Variants in USP45 observed in about 807,000 individuals in gnomAD.
USP45 encodes ubiquitin carboxyl-terminal hydrolase 45.
Under a neutral mutation model 95.8 loss-of-function variants are expected in USP45, and 89 were observed. That is an observed-to-expected ratio of 0.93 (90% CI 0.78 to 1.11). The LOEUF is 1.11. Ranked by LOEUF, USP45 falls within the 50% of genes least tolerant of loss-of-function variation. USP45 has a pLI of 0.00. For synonymous variants in USP45, 281 were observed against 316.2 expected (o/e 0.89, Z 1.18); for missense variants, 898 against 942.5 (o/e 0.95, Z 0.62).
rs1296145638 is a variant in USP45, at chr6:99,435,758, A to G, written c.2403T>C (p.Leu801=). The G allele has an allele frequency of 1.2e-6, 2 of 1,613,502 alleles. 1 individual carries two copies. Among genetic ancestry groups the G allele is most frequent in the Admixed American group, 3.3e-5 (2 of 60,014 alleles). The change falls in exon 18 of 18, where the codon CTT becomes CTC. Residue 801 remains leucine (L), a synonymous_variant. Transcript: ENST00000500704. ...YLQVVPESRA[L]SAQAYLLFYE... is the part of the protein sequence containing the mutation. ...AGAAAAGAAGGTAGGCTTGTGCACT[A>G]AGTGCTCTTGATTCTGGAACCACCT... is the stretch of plus-strand genomic sequence containing the variant.
intron 8 of USP45, 148 bp from the exon 9 acceptor site, chr6:99,476,378 G>T: frequency 1.4e-6 from 1 of 723,384 alleles, no homozygotes; most frequent in Non-Finnish European, 2.2e-6. Flanking sequence ...GAGGCCAAGG[G>T]GCAGATCACT....
In USP45 at chr6:99,477,013, G is replaced by T. The variant is rs763845609; in HGVS notation, c.846-783C>A. 2.0e-5 allele frequency among the ~76,000 whole-genome samples: 3 copies of T among 152,174 alleles called. No homozygotes were observed. The East Asian group carries it at 5.8e-4, about 29-fold the overall frequency. ...AACTCTATGCTAAAATGAACATTTT[G>T]CCTTAAGTGCAGACAAGTATTAAAT... On this transcript the variant is annotated intron_variant, in intron 8 of 17. Transcript: ENST00000500704.
intron 13 of USP45, among the ~76,000 whole-genome samples, chr6:99,447,078 T>C (rs1168375220): frequency 7.4e-6 from 1 of 135,960 alleles, no homozygotes; most frequent in Non-Finnish European, 1.6e-5. Flanking sequence ...GTATCTGTTT[T>C]TTAAACAAAT....
chr6:99,445,678 A>G lies in USP45; in HGVS notation c.1975+119T>C, dbSNP rs141161345. On this transcript the variant is annotated intron_variant, in intron 14 of 17. Transcript: ENST00000500704. ...CTCAGGTACAAATATGAATGAAACA[A>G]TCTCTGCCTAAGTAACACAAGTATA... 229 of 760,224 alleles carry G rather than the reference A, an allele frequency of 3.0e-4. No individual in the cohort carries two copies. In the African/African-American group the frequency reaches 3.5e-3, roughly 12 times the overall value. The allele number at this position is 760,224 out of a possible 1,614,324, so 47.1% of individuals were successfully genotyped here. A position where few individuals can be genotyped will look rare whatever the true frequency, so the allele number is the denominator to read the frequency against.
rs756461122 is a variant in USP45, at chr6:99,435,783, TGTAA to T, written c.2374_2377del (p.Leu792ArgfsTer25). The T allele has an allele frequency of 4.5e-5, 73 of 1,613,572 alleles. No individual in the cohort carries two copies. Among genetic ancestry groups the T allele is most frequent in the Non-Finnish European group, 5.8e-5 (68 of 1,179,602 alleles). On this transcript the variant is annotated frameshift_variant, in exon 18 of 18. Transcript: ENST00000500704. LOFTEE classifies it high-confidence loss of function. ...AAGTGCTCTTGATTCTGGAACCACC[TGTAA>T]GTAAGTGTCACTAACATGGACCCAC...
At chr6:99,462,640 C>T in intron 13 of USP45, 1 of 985,350 alleles carries the variant, frequency 1.0e-6, no homozygotes, top group African/African-American at 1.7e-5. Flanking sequence ...AACATGTTGT[C>T]CTTTCTGAAG....
Position 99,435,354 on chromosome 6 carries a change from A to G in USP45, c.*362T>C, listed in dbSNP as rs1780294449. Reference sequence around the variant, plus strand: ...ATATGTGAGAGTTCAGGAAGGTGGCATTACATTTAGGAATCACTGTCTCAA... The same window carrying G: ...ATATGTGAGAGTTCAGGAAGGTGGCGTTACATTTAGGAATCACTGTCTCAA... On this transcript the variant is annotated 3_prime_UTR_variant, in exon 18 of 18. Transcript: ENST00000500704. The G allele has an allele frequency of 6.1e-6, 1 of 164,498 alleles. No individual in the cohort carries two copies. Among genetic ancestry groups the G allele is most frequent in the African/African-American group, 2.4e-5 (1 of 42,040 alleles). 10.2% of individuals were successfully genotyped at this position (164,498 alleles called of 1,614,324 possible). A position where few individuals can be genotyped will look rare whatever the true frequency, so the allele number is the denominator to read the frequency against.
At position 99,484,025 on chromosome 6, in the gene USP45, T is replaced by TTTTTA. The variant is rs1427246582; in HGVS notation, c.715-1143_715-1142insTAAAA. On this transcript the variant is annotated intron_variant, in intron 7 of 17. Coordinates refer to ENST00000500704, the MANE Select transcript of USP45 (RefSeq NM_001346022.3). The stretch of plus-strand genomic sequence containing the variant: ...CATAGTTTTTTTTTTTTTTTTTTTT[T>TTTTTA]AAAGAGACAGGGTTGCCCAGGCTGG... 1.3e-3 allele frequency among the ~76,000 whole-genome samples: 191 copies of TTTTTA among 145,618 alleles called. 4 individuals carry two copies. The highest frequency in any genetic ancestry group is 4.7e-3 in the African/African-American group (187 of 39,634).
intron 9 of USP45, among the ~76,000 whole-genome samples, chr6:99,471,610 T>C (rs1388740887): frequency 6.6e-6 from 1 of 152,202 alleles, no homozygotes; most frequent in Non-Finnish European, 1.5e-5. Context: ...ATTTTGTACA[T>C]GAAAAATTTA....
chr6:99,516,342 T>C (rs936318492), upstream of USP45, among the ~76,000 whole-genome samples: 1 of 152,238 alleles, frequency 6.6e-6, no homozygotes, highest in East Asian at 1.9e-4. Flanking sequence ...ACACTGGTTA[T>C]GGATAGGTTC....
chr6:99,510,085 T>C (rs755533218), intron 2 of USP45, 36 bp downstream of exon 2: 4 of 1,478,364 alleles, frequency 2.7e-6, no homozygotes, highest in Non-Finnish European at 3.8e-6. Context: ...TTATTTCTTC[T>C]CAACACTATT....
chr6:99,472,626 A>G (rs1392412971), intron 9 of USP45, among the ~76,000 whole-genome samples: 1 of 152,214 alleles, frequency 6.6e-6, no homozygotes, highest in Non-Finnish European at 1.5e-5. Context: ...AATCTGAATT[A>G]ATCTTAAAGT....
At position 99,507,534 on chromosome 6, in the gene USP45, G is replaced by A. The variant is rs760263077; in HGVS notation, c.274-3C>T. 3.8e-6 allele frequency: 6 copies of A among 1,582,274 alleles called. No individual in the cohort carries two copies. The highest frequency in any genetic ancestry group is 5.2e-6 in the Non-Finnish European group (6 of 1,156,478). The stretch of plus-strand genomic sequence containing the variant: ...CTTTCTGAGTTTTTACCACATCCCT[G>A]AAGATGAACAGAATTTTATTTTGTA... On this transcript the variant is annotated splice_region_variant and splice_polypyrimidine_tract_variant and intron_variant, in intron 3 of 17. Transcript: ENST00000500704.
rs559511149 is a variant in USP45 at position 99,433,414 on chromosome 6, G to A, written c.*2302C>T. On this transcript the variant is annotated 3_prime_UTR_variant, in exon 18 of 18. Transcript: ENST00000500704. ...TGATCCAGAAACTACTGTTATTATA[G>A]TAGACTTGCTACTATATACATTTAC... 1.3e-5 allele frequency: 2 copies of A among 152,390 alleles called. No individual in the cohort carries two copies. The highest frequency in any genetic ancestry group is 2.9e-5 in the Non-Finnish European group (2 of 67,998). The allele number at this position is 152,390 out of a possible 1,614,324, so 9.4% of individuals were successfully genotyped here.
At chr6:99,504,607 T>C (rs1471813252) in intron 4 of USP45, among the ~76,000 whole-genome samples, 2 of 151,942 alleles carry the variant, frequency 1.3e-5, no homozygotes, top group African/African-American at 4.8e-5. Context: ...AAATTAGATA[T>C]AAAAGAGGAG....
chr6:99,508,609 C>T lies in USP45; in HGVS notation c.273+1G>A. 1.2e-6 allele frequency: 2 copies of T among 1,609,804 alleles called. No homozygotes were observed. Among genetic ancestry groups the T allele is most frequent in the Non-Finnish European group, 1.7e-6 (2 of 1,178,836 alleles). ...TCACATATAAATAATACTTTTCTTA[C>T]CTGGAAGCCACACTTGAGGCACAAC... On this transcript the variant is annotated splice_donor_variant, in intron 3 of 17. Coordinates refer to ENST00000500704, the MANE Select transcript of USP45 (RefSeq NM_001346022.3). LOFTEE classifies it high-confidence loss of function.
rs569862532 is a variant in USP45 at position 99,482,938 on chromosome 6, T to G, written c.715-55A>C. 9.7e-5 allele frequency: 132 copies of G among 1,367,382 alleles called. 1 individual carries two copies. In the East Asian group the frequency reaches 3.5e-3, roughly 36 times the overall value. 84.7% of individuals were successfully genotyped at this position (1,367,382 alleles called of 1,614,324 possible). On this transcript the variant is annotated intron_variant, in intron 7 of 17. Transcript: ENST00000500704. Reference sequence around the variant, plus strand: ...AAATGTACAATTTAAAAATAACATATTAAAAATCTGTGAGTTACACTCTGC... The same window carrying G: ...AAATGTACAATTTAAAAATAACATAGTAAAAATCTGTGAGTTACACTCTGC...
intron 16 of USP45, among the ~76,000 whole-genome samples, chr6:99,438,772 A>C (rs941192455): frequency 2.6e-5 from 4 of 152,188 alleles, no homozygotes; most frequent in African/African-American, 9.7e-5. Context: ...TTTGCTTCAA[A>C]ATAATAAAGG....
intron 5 of USP45, 150 bp from the exon 6 acceptor site, chr6:99,488,970 C>G: frequency 1.7e-6 from 1 of 598,954 alleles, no homozygotes; most frequent in East Asian, 3.6e-5. Flanking sequence ...ACACAACTAT[C>G]TTTGGTTTTA....
Sources: allele counts gnomAD v4.1 joint callset (sites outside exome capture counted in the v4.1 genomes callset), GRCh38; gene constraint gnomAD v4.1.1; transcripts MANE v1.5; gene names NCBI Gene and HGNC (gene_info 2026-07-23, HGNC 2026-07-21).